The following KIAA0825 variants were observed in gnomAD, a reference collection of about 807,000 sequenced individuals.
KIAA0825 encodes uncharacterized protein KIAA0825.
In KIAA0825, 119 loss-of-function variants were observed where a neutral mutation model predicts 147.6. The ratio of observed to expected loss-of-function variants is 0.81; its 90% CI spans 0.69 to 0.94. The LOEUF (loss-of-function observed/expected upper bound fraction) is 0.94. Among genes scored for constraint, KIAA0825 ranks in the 40% least tolerant of loss-of-function variants. The probability of loss-of-function intolerance (pLI) is 0.00; values close to 1 mark genes in which losing one functional copy is unlikely to be tolerated. For synonymous variants in KIAA0825, 470 were observed against 518.1 expected (o/e 0.91, Z 1.26); for missense variants, 1,381 against 1,472.7 (o/e 0.94, Z 1.02).
chr5:94,201,096 G>A (rs1771641820), intron 20 of KIAA0825, among the ~76,000 whole-genome samples: 1 of 149,586 alleles, frequency 6.7e-6, no homozygotes, highest in African/African-American at 2.4e-5. Flanking sequence ...AATATGTAAA[G>A]CATAAAAAAT....
chr5:94,469,507 T>C (rs7711591), intron 10 of KIAA0825, among the ~76,000 whole-genome samples: 4,019 of 151,954 alleles, frequency 0.026, 207 homozygotes, highest in African/African-American at 0.092. Context: ...TAAGAACATA[T>C]GATGAGAAGG....
intron 20 of KIAA0825, among the ~76,000 whole-genome samples, chr5:94,254,934 C>T (rs1181736406): frequency 6.6e-6 from 1 of 151,940 alleles, no homozygotes; most frequent in East Asian, 1.9e-4. Context: ...TCAAGGATTA[C>T]AGATGTATTT....
intron 10 of KIAA0825, 145 bp downstream of exon 10, chr5:94,469,816 G>T: frequency 1.6e-6 from 1 of 607,044 alleles, no homozygotes; most frequent in Non-Finnish European, 2.6e-6. Flanking sequence ...TTTTTCCTAA[G>T]TATGAATTCA....
chr5:94,504,034 G>T (rs564807975), intron 5 of KIAA0825, among the ~76,000 whole-genome samples: 1 of 152,216 alleles, frequency 6.6e-6, no homozygotes, highest in Admixed American at 6.5e-5. Context: ...AGAGAAAGGG[G>T]CTCAATTCGA....
chr5:94,263,643 T>C (rs1384274899), intron 20 of KIAA0825, among the ~76,000 whole-genome samples: 1 of 152,052 alleles, frequency 6.6e-6, no homozygotes, highest in East Asian at 1.9e-4. Flanking sequence ...GACCTTTTTC[T>C]TCAATGTCTC....
chr5:94,518,709 T>C (rs760244886), intron 5 of KIAA0825, among the ~76,000 whole-genome samples: 1 of 152,104 alleles, frequency 6.6e-6, no homozygotes, highest in South Asian at 2.1e-4. Context: ...CATATCAAAG[T>C]TCAGATAAAG....
At chr5:94,216,539 C>T (rs1321311147) in intron 20 of KIAA0825, among the ~76,000 whole-genome samples, 2 of 152,060 alleles carry the variant, frequency 1.3e-5, no homozygotes, top group Admixed American at 6.6e-5. Flanking sequence ...GGACAAAAGG[C>T]AATGATTACC....
At chr5:94,370,020 T>G (rs939196837) in intron 20 of KIAA0825, among the ~76,000 whole-genome samples, 2 of 152,192 alleles carry the variant, frequency 1.3e-5, no homozygotes, top group African/African-American at 4.8e-5. Context: ...AAAACCTATG[T>G]TCATGCAAAA....
intron 2 of KIAA0825, among the ~76,000 whole-genome samples, chr5:94,543,721 G>A (rs191977008): frequency 6.6e-6 from 1 of 152,160 alleles, no homozygotes; most frequent in Non-Finnish European, 1.5e-5. Context: ...GCTTTCAGTA[G>A]GATTAAGTTT....
rs771486226 is a variant in KIAA0825 at position 94,182,250 on chromosome 5, C to CTTTTTTTTT, written c.3711-28135_3711-28127dup. On this transcript the variant is annotated intron_variant, in intron 20 of 20. Transcript: ENST00000682413. ...CAAGACATAACTTAAAATGTCCCTT[C>CTTTTTTTTT]TTTTTTTTTTTTTTTTTTTTTTTTT... is the stretch of plus-strand genomic sequence containing the variant. Among the ~76,000 whole-genome samples, 169 of 38,278 alleles carry CTTTTTTTTT rather than the reference C, an allele frequency of 4.4e-3. 62 individuals are homozygous for CTTTTTTTTT. Among genetic ancestry groups the CTTTTTTTTT allele is most frequent in the Admixed American group, 6.3e-3 (12 of 1,908 alleles). The allele number at this position is 38,278 out of a possible 152,430, so 25.1% of individuals were successfully genotyped here.
intron 5 of KIAA0825, among the ~76,000 whole-genome samples, chr5:94,485,811 C>T (rs1349201766): frequency 6.6e-6 from 1 of 151,320 alleles, no homozygotes; most frequent in Non-Finnish European, 1.5e-5. Context: ...AGTGTTGTTC[C>T]TATCATTAAA....
intron 20 of KIAA0825, among the ~76,000 whole-genome samples, chr5:94,355,147 G>A (rs1470174855): frequency 6.6e-6 from 1 of 152,196 alleles, no homozygotes; most frequent in East Asian, 1.9e-4. Context: ...ATAAAAAATT[G>A]TGGAGGCCAA....
At chr5:94,519,848 A>G (rs1395005546) in intron 5 of KIAA0825, 11 of 607,068 alleles carry the variant, frequency 1.8e-5, no homozygotes, top group African/African-American at 6.0e-5. Flanking sequence ...GTACATATAT[A>G]TAACTGAGTA....
chr5:94,317,540 AC>A (rs1779767618), intron 20 of KIAA0825, among the ~76,000 whole-genome samples: 1 of 151,864 alleles, frequency 6.6e-6, no homozygotes, highest in Admixed American at 6.6e-5. Context: ...CAGGGCTATA[AC>A]TTAAAGACAA....
At chr5:94,569,192 CACTT>C in intron 2 of KIAA0825, 1 of 209,962 alleles carries the variant, frequency 4.8e-6, no homozygotes, top group East Asian at 1.0e-4. Flanking sequence ...CCCACTAAAA[CACTT>C]ACCAAGACCT....
intron 20 of KIAA0825, among the ~76,000 whole-genome samples, chr5:94,250,051 T>A (rs185731751): frequency 1.9e-4 from 29 of 152,220 alleles, no homozygotes; most frequent in Middle Eastern, 3.4e-3. Flanking sequence ...GTTTTTATGT[T>A]TTCCAATAGA....
At chr5:94,413,594 G>A (rs970549219) in intron 15 of KIAA0825, 6 of 152,164 alleles carry the variant, frequency 3.9e-5, no homozygotes, top group Middle Eastern at 6.8e-3. Context: ...AAACTATCAC[G>A]ACAAAAAGCA....
In KIAA0825 at chr5:94,151,021, A is replaced by C. The variant is rs981806423; in HGVS notation, c.*2986T>G. Among the ~76,000 whole-genome samples the C allele has an allele frequency of 3.3e-5, 5 of 152,208 alleles. No individual in the cohort carries two copies. The highest frequency in any genetic ancestry group is 7.3e-5 in the Non-Finnish European group (5 of 68,034). On this transcript the variant is annotated 3_prime_UTR_variant, in exon 21 of 21. Transcript: ENST00000682413. Reference sequence around the variant, plus strand: ...TTTATAGGAAGATAATATTTTTGTAATAAGCATATGGGGAGATATAAACTG... The same window carrying C: ...TTTATAGGAAGATAATATTTTTGTACTAAGCATATGGGGAGATATAAACTG...
intron 12 of KIAA0825, among the ~76,000 whole-genome samples, chr5:94,461,530 G>C (rs1759832904): frequency 1.3e-5 from 2 of 151,984 alleles, no homozygotes; most frequent in Admixed American, 6.6e-5. Context: ...CTCAACTTGG[G>C]TTGCTAGAAG....
Sources: gnomAD v4.1 joint callset for allele counts (sites outside exome capture counted in the v4.1 genomes callset) on GRCh38, gnomAD v4.1.1 for gene constraint, MANE v1.5 for transcripts, NCBI Gene and HGNC (gene_info 2026-07-23, HGNC 2026-07-21) for gene names.